Variants in CCDC102B observed in about 807,000 individuals in gnomAD.
The protein encoded by CCDC102B is coiled-coil domain containing 102B, also known as coiled-coil domain-containing protein 102B.
In CCDC102B, 75 loss-of-function variants were observed where a neutral mutation model predicts 57.4. That is an observed-to-expected ratio of 1.31 (90% CI 1.08 to 1.58). The LOEUF (loss-of-function observed/expected upper bound fraction) is 1.58, where lower values mean the gene tolerates loss of function less well. Among genes scored for constraint, CCDC102B ranks in the 40% most tolerant of loss-of-function variants. The pLI is 0.00. For missense variants in CCDC102B, 636 were observed against 582.6 expected (o/e 1.09, Z -0.94); for synonymous variants, 206 against 201.9 (o/e 1.02, Z -0.17).
chr18:69,010,193 CG>C (rs1568122820), intron 6 of CCDC102B, among the ~76,000 whole-genome samples: 1 of 149,050 alleles, frequency 6.7e-6, no homozygotes, highest in East Asian at 2.0e-4. Flanking sequence ...CCGCCTGCCT[CG>C]GCCTCCCAAA....
At chr18:68,932,095 C>T (rs577154750) in intron 6 of CCDC102B, among the ~76,000 whole-genome samples, 62 of 151,580 alleles carry the variant, frequency 4.1e-4, no homozygotes, top group South Asian at 1.2e-3. Flanking sequence ...CTTGTATATC[C>T]CAGCTCTGTA....
At chr18:68,889,177 G>T (rs529216978) in intron 5 of CCDC102B, among the ~76,000 whole-genome samples, 1 of 152,090 alleles carries the variant, frequency 6.6e-6, no homozygotes, top group Non-Finnish European at 1.5e-5. Context: ...TAATCCTAGG[G>T]TGATAGTTTT....
chr18:68,809,183 A>G (rs530321780), intron 1 of CCDC102B, among the ~76,000 whole-genome samples: 162 of 152,292 alleles, frequency 1.1e-3, no homozygotes, highest in African/African-American at 3.8e-3. Context: ...GAGCTTCTAC[A>G]ATATTGTGCT....
chr18:68,855,891 TGTTAG>T (rs1324367597), intron 4 of CCDC102B, among the ~76,000 whole-genome samples: 3 of 152,172 alleles, frequency 2.0e-5, no homozygotes, highest in African/African-American at 7.2e-5. Context: ...AATTCAGGTG[TGTTAG>T]TCATGTCTGA....
chr18:69,053,399 G>T (rs1332309270), intron 7 of CCDC102B, among the ~76,000 whole-genome samples: 1 of 151,186 alleles, frequency 6.6e-6, no homozygotes, highest in Non-Finnish European at 1.5e-5. Flanking sequence ...CAAAGCCATG[G>T]GAATAAAAAA....
intron 4 of CCDC102B, among the ~76,000 whole-genome samples, chr18:68,867,758 C>T (rs1405047343): frequency 7.0e-6 from 1 of 143,826 alleles, no homozygotes; most frequent in Non-Finnish European, 1.5e-5. Flanking sequence ...CACGGTGAAA[C>T]CCCGTCTCTA....
At chr18:68,786,905 C>G (rs980136255) in intron 2 of CCDC102B, among the ~76,000 whole-genome samples, 43 of 152,240 alleles carry the variant, frequency 2.8e-4, no homozygotes, top group African/African-American at 9.6e-4. Context: ...TGTCTTGTGC[C>G]AGTTTTCAAA....
chr18:68,955,705 A>G (rs1412109449), intron 6 of CCDC102B, among the ~76,000 whole-genome samples: 2 of 151,694 alleles, frequency 1.3e-5, no homozygotes, highest in Non-Finnish European at 2.9e-5. Context: ...AACGTTGCTG[A>G]TGAAAGAAAG....
At chr18:68,847,003 A>G (rs1374013611) in intron 4 of CCDC102B, among the ~76,000 whole-genome samples, 2 of 151,714 alleles carry the variant, frequency 1.3e-5, no homozygotes, top group African/African-American at 2.4e-5. Flanking sequence ...CATTTCGATG[A>G]TTTATTACCA....
chr18:68,794,531 C>A (rs1014493267), upstream of CCDC102B, among the ~76,000 whole-genome samples: 1 of 151,952 alleles, frequency 6.6e-6, no homozygotes, highest in Non-Finnish European at 1.5e-5. Flanking sequence ...AATATCAGAA[C>A]CCACAGGGTG....
At chr18:68,911,751 CAAAAAAAAAAA>C (rs74175338) in intron 6 of CCDC102B, among the ~76,000 whole-genome samples, 262 of 18,018 alleles carry the variant, frequency 0.015, 16 homozygotes, top group Middle Eastern at 0.036. Context: ...GACTCCGTCT[CAAAAAAAAAAA>C]AAAAAAAAAA....
intron 2 of CCDC102B, among the ~76,000 whole-genome samples, chr18:68,748,205 G>GGTGTGTGTGTGT (rs5825872): frequency 1.2e-4 from 17 of 137,588 alleles, no homozygotes; most frequent in Non-Finnish European, 1.7e-4. Flanking sequence ...TTATTAAACT[G>GGTGTGTGTGTGT]GTGTGTGTGT....
chr18:68,991,733 A>C (rs1489205702), intron 6 of CCDC102B, among the ~76,000 whole-genome samples: 1 of 152,214 alleles, frequency 6.6e-6, no homozygotes, highest in Non-Finnish European at 1.5e-5. Context: ...ATTCTTTAGA[A>C]GTCGTTAAAT....
intron 4 of CCDC102B, 124 bp from the exon 5 acceptor site, chr18:68,874,545 C>T (rs113775150): frequency 1.1e-4 from 68 of 591,422 alleles, no homozygotes; most frequent in African/African-American, 1.1e-3. Context: ...CAGCAACAAG[C>T]CTGCCAGAAT....
At chr18:69,041,537 G>T (rs1426330607) in intron 7 of CCDC102B, among the ~76,000 whole-genome samples, 1 of 152,010 alleles carries the variant, frequency 6.6e-6, no homozygotes, top group African/African-American at 2.4e-5. Flanking sequence ...TGATTGGCCG[G>T]TTTAATGCCC....
At chr18:69,052,265 A>G (rs1443399414) in intron 7 of CCDC102B, among the ~76,000 whole-genome samples, 1 of 152,056 alleles carries the variant, frequency 6.6e-6, no homozygotes, top group African/African-American at 2.4e-5. Context: ...ATTATTGATC[A>G]GGGATTGACA....
At chr18:68,915,456 G>T (rs1326736587) in intron 6 of CCDC102B, among the ~76,000 whole-genome samples, 1 of 152,134 alleles carries the variant, frequency 6.6e-6, no homozygotes, top group African/African-American at 2.4e-5. Context: ...GAATGTAGTT[G>T]AGATGCTTTT....
At chr18:68,773,033 C>G (rs534574908) in intron 2 of CCDC102B, among the ~76,000 whole-genome samples, 70 of 152,028 alleles carry the variant, frequency 4.6e-4, no homozygotes, top group African/African-American at 1.6e-3. Context: ...CCATAAAAAG[C>G]TGAATATAAA....
At chr18:68,743,281 GCCTATAGT>G (rs1358637988) in intron 2 of CCDC102B, among the ~76,000 whole-genome samples, 6 of 151,972 alleles carry the variant, frequency 3.9e-5, no homozygotes, top group Admixed American at 3.9e-4. Flanking sequence ...GGGGGCACAT[GCCTATAGT>G]CCCAGCTACT....
Sources: allele counts gnomAD v4.1 joint callset (sites outside exome capture counted in the v4.1 genomes callset), GRCh38; gene constraint gnomAD v4.1.1; transcripts MANE v1.5; gene names NCBI Gene and HGNC (gene_info 2026-07-23, HGNC 2026-07-21).